ABHD17C: variants seen among roughly 807,000 people sequenced by gnomAD.
ABHD17C encodes the protein abhydrolase domain containing 17C, depalmitoylase.
In ABHD17C, 11 loss-of-function variants were observed where a neutral mutation model predicts 27.9. That is an observed-to-expected ratio of 0.39 (90% CI 0.25 to 0.65). The LOEUF is 0.65. Among genes scored for constraint, ABHD17C ranks in the 30% least tolerant of loss-of-function variants. The probability of loss-of-function intolerance (pLI) is 0.45; values close to 1 mark genes in which losing one functional copy is unlikely to be tolerated. For synonymous variants in ABHD17C, 233 were observed against 209.1 expected (o/e 1.11, Z -0.98); for missense variants, 280 against 470.2 (o/e 0.60, Z 3.74).
chr15:80,721,546 C>G (rs910644818), intron 1 of ABHD17C, among the ~76,000 whole-genome samples: 6 of 152,162 alleles, frequency 3.9e-5, no homozygotes, highest in East Asian at 1.9e-4. Context: ...AGTACATGTA[C>G]TTTTAGAATT....
intron 1 of ABHD17C, among the ~76,000 whole-genome samples, chr15:80,742,131 C>T (rs530455424): frequency 2.6e-5 from 4 of 152,262 alleles, no homozygotes; most frequent in African/African-American, 9.6e-5. Context: ...TGGGGGGACT[C>T]TACTGTATAT....
chr15:80,732,689 C>T (rs1895073307), intron 1 of ABHD17C, among the ~76,000 whole-genome samples: 1 of 152,154 alleles, frequency 6.6e-6, no homozygotes, highest in Admixed American at 6.5e-5. Flanking sequence ...ACTGAAGATG[C>T]CATCAAGGAG....
intron 1 of ABHD17C, among the ~76,000 whole-genome samples, chr15:80,713,982 C>T (rs1412342690): frequency 2.6e-5 from 4 of 151,644 alleles, no homozygotes; most frequent in Admixed American, 2.0e-4. Flanking sequence ...GAGACATGGT[C>T]TTGCTCTGTC....
At chr15:80,729,482 T>G (rs1895027220) in intron 1 of ABHD17C, among the ~76,000 whole-genome samples, 2 of 152,166 alleles carry the variant, frequency 1.3e-5, no homozygotes, top group Admixed American at 1.3e-4. Flanking sequence ...TGCATACAAA[T>G]GGAGTTATGT....
chr15:80,705,331 A>ATTTTTGTG (rs529176453), intron 1 of ABHD17C, among the ~76,000 whole-genome samples: 1 of 60,412 alleles, frequency 1.7e-5, no homozygotes, highest in Non-Finnish European at 3.1e-5. Context: ...GCTTCCTATG[A>ATTTTTGTG]TTTGTGTGTG....
chr15:80,746,661 T>C (rs973318620), intron 1 of ABHD17C, among the ~76,000 whole-genome samples: 1 of 152,136 alleles, frequency 6.6e-6, no homozygotes, highest in Admixed American at 6.5e-5. Flanking sequence ...TTAAAGAAGG[T>C]CATGATCTCT....
intron 1 of ABHD17C, among the ~76,000 whole-genome samples, chr15:80,706,811 C>T (rs1462496662): frequency 6.6e-6 from 1 of 152,168 alleles, no homozygotes; most frequent in East Asian, 1.9e-4. Flanking sequence ...TTATTTATCC[C>T]TATTGTCATA....
chr15:80,738,562 G>A (rs1312326467), intron 1 of ABHD17C, among the ~76,000 whole-genome samples: 2 of 152,188 alleles, frequency 1.3e-5, no homozygotes, highest in Non-Finnish European at 2.9e-5. Flanking sequence ...CAATGGGTCT[G>A]TAAAACATCT....
Position 80,709,660 on chromosome 15 carries a change from GAGCCTGTTCAGC to G in ABHD17C, c.590+13646_590+13657del, listed in dbSNP as rs533630160. Among the ~76,000 whole-genome samples, 51 of 152,102 alleles carry G rather than the reference GAGCCTGTTCAGC, an allele frequency of 3.4e-4. 2 individuals are homozygous for G. In the South Asian group the frequency reaches 0.01, roughly 31 times the overall value. On this transcript the variant is annotated intron_variant, in intron 1 of 2. Coordinates refer to ENST00000258884, the MANE Select transcript of ABHD17C (RefSeq NM_021214.2). ...TAGTGTGAATATCCTGGGCTGTTGA[GAGCCTGTTCAGC>G]AGCCCCGCCTCACACTTCCCGGCCT...
chr15:80,695,377 G>GGCCAGCAA lies in ABHD17C; in HGVS notation c.-47_-46insAAGCCAGC. The GGCCAGCAA allele has an allele frequency of 1.8e-6, 2 of 1,140,846 alleles. No individual in the cohort carries two copies. Among genetic ancestry groups the GGCCAGCAA allele is most frequent in the Non-Finnish European group, 2.2e-6 (2 of 917,908 alleles). 70.7% of individuals were successfully genotyped at this position (1,140,846 alleles called of 1,614,324 possible). ...CGCGCGTCCGTCCTCCGTCCTCCCG[G>GGCCAGCAA]GCCAGCCAGCCAGCCAGCCAGCCGG... On this transcript the variant is annotated 5_prime_UTR_variant, in exon 1 of 3. Transcript: ENST00000258884. The surrounding 1 kb of genome is among the most constrained non-coding windows in gnomAD (Gnocchi z 4.3).
At position 80,749,656 on chromosome 15, in the gene ABHD17C, A is replaced by C; in HGVS notation, c.734A>C (p.Asp245Ala). 1 of 1,613,952 alleles carries C rather than the reference A, an allele frequency of 6.2e-7. No individual in the cohort carries two copies. Among genetic ancestry groups the C allele is most frequent in the South Asian group, 1.1e-5 (1 of 91,086 alleles). ...TCTGGTTTGCGTGTGGCTTTTCCGG[A>C]TACCAGGAAAACATACTGCTTTGAT... ...LMSGLRVAFP[D>A]TRKTYCFDAF... Residue 245 changes from aspartate (D) to alanine (A), a missense_variant, in exon 2 of 3, where the codon GAT becomes GCT. Transcript: ENST00000258884.
chr15:80,696,694 A>G (rs1017948246), intron 1 of ABHD17C, among the ~76,000 whole-genome samples: 21 of 152,186 alleles, frequency 1.4e-4, no homozygotes, highest in African/African-American at 4.6e-4. Context: ...GGGCTGGGAA[A>G]TCTCTGACCT....
At chr15:80,753,906 C>T (rs1249814508) in intron 2 of ABHD17C, among the ~76,000 whole-genome samples, 1 of 152,150 alleles carries the variant, frequency 6.6e-6, no homozygotes, top group African/African-American at 2.4e-5. Context: ...GGAGACTGTG[C>T]ATGTGTGGGG....
At chr15:80,738,373 A>T (rs901228411) in intron 1 of ABHD17C, among the ~76,000 whole-genome samples, 4 of 152,128 alleles carry the variant, frequency 2.6e-5, no homozygotes, top group African/African-American at 9.7e-5. Flanking sequence ...CATGGAGGGG[A>T]TGTACAGGCA....
intron 1 of ABHD17C, among the ~76,000 whole-genome samples, chr15:80,719,836 C>T (rs892824942): frequency 1.3e-5 from 2 of 152,144 alleles, no homozygotes; most frequent in Non-Finnish European, 2.9e-5. Flanking sequence ...CTTGTTCTAT[C>T]GCTCAGGATG....
At chr15:80,731,364 G>A (rs1252020251) in intron 1 of ABHD17C, among the ~76,000 whole-genome samples, 3 of 152,220 alleles carry the variant, frequency 2.0e-5, no homozygotes, top group Non-Finnish European at 4.4e-5. Context: ...TCTCCAAAAA[G>A]GATGGCAGAC....
chr15:80,709,488 C>CAAA (rs56163745), intron 1 of ABHD17C, among the ~76,000 whole-genome samples: 4 of 132,076 alleles, frequency 3.0e-5, no homozygotes, highest in Non-Finnish European at 4.7e-5. Context: ...GACTCTGTCT[C>CAAA]AAAAAAAAAA....
In ABHD17C at chr15:80,755,392, A is replaced by T. The variant is rs1238739380; in HGVS notation, c.*1022A>T. ...TTTGACACTGGAAGTTGCGCCAAAT[A>T]AGCATCAGAAATAGGAGATGCTTAA... On this transcript the variant is annotated 3_prime_UTR_variant, in exon 3 of 3. Coordinates refer to ENST00000258884, the MANE Select transcript of ABHD17C (RefSeq NM_021214.2). 1 of 152,224 alleles carries T rather than the reference A, an allele frequency of 6.6e-6. No homozygotes were observed. Among genetic ancestry groups the T allele is most frequent in the Non-Finnish European group, 1.5e-5 (1 of 68,042 alleles). 9.4% of individuals were successfully genotyped at this position (152,224 alleles called of 1,614,324 possible). A position where few individuals can be genotyped will look rare whatever the true frequency, so the allele number is the denominator to read the frequency against.
intron 1 of ABHD17C, among the ~76,000 whole-genome samples, chr15:80,728,164 C>G (rs141767315): frequency 6.6e-6 from 1 of 152,320 alleles, no homozygotes; most frequent in Non-Finnish European, 1.5e-5. Context: ...AGAGTGCCAT[C>G]ATCACTTTAT....
Sources: allele counts gnomAD v4.1 joint callset (sites outside exome capture counted in the v4.1 genomes callset), GRCh38; gene constraint gnomAD v4.1.1; non-coding constraint Gnocchi (gnomAD v3.1); transcripts MANE v1.5; gene names NCBI Gene and HGNC (gene_info 2026-07-23, HGNC 2026-07-21).